The following DIS3 variants were observed in gnomAD, a reference collection of about 807,000 sequenced individuals.
DIS3 encodes exosome complex exonuclease RRP44.
DIS3 carries 103 observed loss-of-function variants against 113.0 expected under a neutral mutation model. The observed-to-expected ratio is 0.91, with a 90% confidence interval of 0.78 to 1.07. DIS3 has a LOEUF of 1.07. DIS3 is among the 50% of genes least tolerant of loss of function. The pLI is 0.00. For missense variants in DIS3, 1,121 were observed against 1,167.1 expected, an observed-to-expected ratio of 0.96 and a Z score of 0.58; for synonymous variants, 402 against 394.3, an observed-to-expected ratio of 1.02 and a Z score of -0.23.
In DIS3 at chr13:72,759,373, T is replaced by G; in HGVS notation, c.*422A>C. On this transcript the variant is annotated 3_prime_UTR_variant, in exon 21 of 21. Transcript: ENST00000377767. The stretch of plus-strand genomic sequence containing the variant: ...CCTCAACACTGACAGCTTCCAAGAC[T>G]TAGAAAAGAGATTGTTCCTTGCTTC... 4.6e-6 allele frequency: 1 copy of G among 217,636 alleles called. No individual in the cohort carries two copies. Among genetic ancestry groups the G allele is most frequent in the Non-Finnish European group, 9.2e-6 (1 of 108,422 alleles). 13.5% of individuals were successfully genotyped at this position (217,636 alleles called of 1,614,324 possible). A position where few individuals can be genotyped will look rare whatever the true frequency, so the allele number is the denominator to read the frequency against.
rs1039279597 is a variant in DIS3, at chr13:72,757,017, G to C, written c.*2778C>G. Reference sequence around the variant, plus strand: ...ATTCCACGTAACCTGCTTAGCATAAGAACTGGCACTAGAAACAGAACATTT... The same window carrying C: ...ATTCCACGTAACCTGCTTAGCATAACAACTGGCACTAGAAACAGAACATTT... On this transcript the variant is annotated 3_prime_UTR_variant, in exon 21 of 21. Coordinates refer to ENST00000377767, the MANE Select transcript of DIS3 (RefSeq NM_014953.5). The C allele has an allele frequency of 6.6e-6, 1 of 152,106 alleles. No homozygotes were observed. Among genetic ancestry groups the C allele is most frequent in the African/African-American group, 2.4e-5 (1 of 41,406 alleles). 9.4% of individuals were successfully genotyped at this position (152,106 alleles called of 1,614,324 possible). A position where few individuals can be genotyped will look rare whatever the true frequency, so the allele number is the denominator to read the frequency against.
rs1465204251 is a variant in DIS3, at chr13:72,755,213, A to G, written c.*4582T>C. 1.9e-6 allele frequency: 3 copies of G among 1,611,012 alleles called. No individual in the cohort carries two copies. The African/African-American group carries it at 4.0e-5, about 22-fold the overall frequency. The stretch of plus-strand genomic sequence containing the variant: ...CAAGCCCTTTTCAATGCAGCAGTCC[A>G]TAGAATGCCTCTGTCAGAATCAAAG... On this transcript the variant is annotated 3_prime_UTR_variant, in exon 21 of 21. Coordinates refer to ENST00000377767, the MANE Select transcript of DIS3 (RefSeq NM_014953.5).
rs1314809933 is a variant in DIS3, at chr13:72,762,139, T to G, written c.2128-2A>C. On this transcript the variant is annotated splice_acceptor_variant, in intron 16 of 20. Transcript: ENST00000377767. LOFTEE classifies it high-confidence loss of function. Reference sequence around the variant, plus strand: ...TGTATCAGTCTTAATTTCCAAATTCTGTAAACAAAAAGGAGGGAAGAGCAC... The same window carrying G: ...TGTATCAGTCTTAATTTCCAAATTCGGTAAACAAAAAGGAGGGAAGAGCAC... 6.2e-7 allele frequency: 1 copy of G among 1,612,378 alleles called. No individual in the cohort carries two copies. The highest frequency in any genetic ancestry group is 1.7e-5 in the Admixed American group (1 of 59,900).
intron 2 of DIS3, among the ~76,000 whole-genome samples, chr13:72,780,510 T>C (rs1400886192): frequency 2.6e-5 from 4 of 152,236 alleles, no homozygotes; most frequent in Admixed American, 6.5e-5. Flanking sequence ...GTTCACATAA[T>C]ATGGTATTCC....
intron 4 of DIS3, among the ~76,000 whole-genome samples, chr13:72,776,762 T>C (rs2034027147): frequency 6.6e-6 from 1 of 152,220 alleles, no homozygotes; most frequent in Admixed American, 6.5e-5. Context: ...CCCTTAGCAC[T>C]CCTTCTCACA....
Position 72,761,684 on chromosome 13 carries a change from G to C in DIS3, c.2473C>G (p.Gln825Glu), listed in dbSNP as rs1215809869. The C allele has an allele frequency of 1.2e-6, 2 of 1,612,806 alleles. No individual in the cohort carries two copies. Among genetic ancestry groups the C allele is most frequent in the African/African-American group, 2.7e-5 (2 of 74,836 alleles). Residue 825 changes from glutamine to glutamate, a missense_variant, in exon 18 of 21, where the codon CAA becomes GAA. By Grantham distance (29) the Gln-to-Glu change is conservative. This residue lies in a region of DIS3 where 861 missense variants were observed against 915.5 expected (regional missense o/e 0.94). Transcript: ENST00000377767. ...GCCACTGATGCACGTTGGGCATATT[G>C]AGCCATTTTGTGCCGGAAATTTAGA... The part of the protein sequence containing the change: ...KNLNFRHKMA[Q>E]YAQRASVAFH...
rs2033675817 is a variant in DIS3 at position 72,763,491 on chromosome 13, G to A, written c.2087C>T (p.Pro696Leu). 6.2e-7 allele frequency: 1 copy of A among 1,613,354 alleles called. No homozygotes were observed. Among genetic ancestry groups the A allele is most frequent in the African/African-American group, 1.3e-5 (1 of 74,874 alleles). Residue 696 changes from proline to leucine, a missense_variant, in exon 16 of 21, where the codon CCA becomes CTA. Physicochemically the swap from Pro to Leu is moderately conservative, Grantham distance 98. This residue lies in a region of DIS3 where 861 missense variants were observed against 915.5 expected (regional missense o/e 0.94). Coordinates refer to ENST00000377767, the MANE Select transcript of DIS3 (RefSeq NM_014953.5). Reference sequence around the variant, plus strand: ...CTTAACAAGAATTTCATAATTTGATGGAGGTGGAGCAGGATGTTTTCGAAG... The same window carrying A: ...CTTAACAAGAATTTCATAATTTGATAGAGGTGGAGCAGGATGTTTTCGAAG... ...ALLRKHPAPPPSNYEILVKAA... is the reference protein window; with the variant it reads ...ALLRKHPAPPLSNYEILVKAA...
chr13:72,781,641 G>A lies in DIS3; in HGVS notation c.192C>T (p.His64=). 2 of 1,542,254 alleles carry A rather than the reference G, an allele frequency of 1.3e-6. No individual in the cohort carries two copies. Among genetic ancestry groups the A allele is most frequent in the South Asian group, 1.2e-5 (1 of 83,554 alleles). The change falls in exon 1 of 21, where the codon CAC becomes CAT. Residue 64 remains histidine (H), a synonymous_variant. Coordinates refer to ENST00000377767, the MANE Select transcript of DIS3 (RefSeq NM_014953.5). ...ACACATTAGTGTCGGGCAGCAAGTAGTGCGGTTGCGGGCAGACGCTGCTCG... is the reference window on the plus strand; with the variant it reads ...ACACATTAGTGTCGGGCAGCAAGTAATGCGGTTGCGGGCAGACGCTGCTCG... ...DPASSVCPQP[H]YLLPDTNVLL...
intron 2 of DIS3, among the ~76,000 whole-genome samples, chr13:72,780,410 T>A (rs1398928001): frequency 6.6e-6 from 1 of 151,616 alleles, no homozygotes; most frequent in Non-Finnish European, 1.5e-5. Context: ...ATTAAACTTT[T>A]AAAAAGACCA....
chr13:72,779,116 G>A (rs1475622979), intron 2 of DIS3, among the ~76,000 whole-genome samples: 1 of 150,976 alleles, frequency 6.6e-6, no homozygotes, highest in East Asian at 1.9e-4. Context: ...GAATGCACTT[G>A]CTAATGCTTT....
intron 4 of DIS3, among the ~76,000 whole-genome samples, chr13:72,776,898 C>T (rs1414022316): frequency 6.6e-6 from 1 of 152,204 alleles, no homozygotes; most frequent in African/African-American, 2.4e-5. Context: ...TCATTCTCTC[C>T]TGCTCCACCA....
rs946575135 is a variant in DIS3 at position 72,771,029 on chromosome 13, G to A, written c.1671-41C>T. 7 of 1,607,676 alleles carry A rather than the reference G, an allele frequency of 4.4e-6. No homozygotes were observed. In the African/African-American group the frequency reaches 9.4e-5, roughly 22 times the overall value. ...CAGAGTATTTGTTAATGGGAATCAG[G>A]TTAAAGTAGTAAATACAATGTCTTC... On this transcript the variant is annotated intron_variant, in intron 12 of 20. Transcript: ENST00000377767.
chr13:72,778,085 C>T (rs1347365465), intron 3 of DIS3, 102 bp downstream of exon 3: 2 of 1,076,554 alleles, frequency 1.9e-6, no homozygotes, highest in East Asian at 2.6e-5. Flanking sequence ...TATAGGACTA[C>T]GAAAATACTA....
chr13:72,769,124 A>G lies in DIS3; in HGVS notation c.1756-212T>C, dbSNP rs574763401. ...GAGGCATTATACAACATAAACAAAC[A>G]TATTTTAAAAGGTAAAATGGCAATG... On this transcript the variant is annotated intron_variant, in intron 13 of 20. Transcript: ENST00000377767. Among the ~76,000 whole-genome samples the G allele has an allele frequency of 9.2e-5, 14 of 152,212 alleles. No homozygotes were observed. In the South Asian group the frequency reaches 2.9e-3, roughly 32 times the overall value.
chr13:72,766,158 G>GC, intron 14 of DIS3, 100 bp from the exon 15 acceptor site: 3 of 943,512 alleles, frequency 3.2e-6, no homozygotes, highest in Non-Finnish European at 4.6e-6. Context: ...TACAGCAAGT[G>GC]TGTAATAGTT....
At position 72,756,057 on chromosome 13, in the gene DIS3, A is replaced by T. The variant is rs1356813483; in HGVS notation, c.*3738T>A. ...GTATGTTATATACAACTATTTTTTT[A>T]AAAAACTTATATCCATGTTGGGAGT... is the stretch of plus-strand genomic sequence containing the variant. On this transcript the variant is annotated 3_prime_UTR_variant, in exon 21 of 21. Transcript: ENST00000377767. The T allele has an allele frequency of 2.5e-6, 1 of 397,076 alleles. No individual in the cohort carries two copies. Among genetic ancestry groups the T allele is most frequent in the East Asian group, 3.6e-5 (1 of 27,998 alleles). The allele number at this position is 397,076 out of a possible 1,614,324, so 24.6% of individuals were successfully genotyped here.
chr13:72,763,498 G>A lies in DIS3; in HGVS notation c.2080C>T (p.Pro694Ser), dbSNP rs1376504733. The A allele has an allele frequency of 1.2e-6, 2 of 1,613,870 alleles. No homozygotes were observed. Among genetic ancestry groups the A allele is most frequent in the Admixed American group, 3.3e-5 (2 of 59,980 alleles). ...EHALLRKHPA[P>S]PPSNYEILVK... is the part of the protein sequence containing the mutation. ...AGAATTTCATAATTTGATGGAGGTG[G>A]AGCAGGATGTTTTCGAAGCAGAGCA... The change falls in exon 16 of 21, where the codon CCA becomes TCA. Residue 694 changes from proline to serine, a missense_variant. By Grantham distance (74) the Pro-to-Ser change is moderately conservative. Coordinates refer to ENST00000377767, the MANE Select transcript of DIS3 (RefSeq NM_014953.5).
At chr13:72,765,779 C>T (rs561484985) in intron 15 of DIS3, among the ~76,000 whole-genome samples, 193 bp downstream of exon 15, 86 of 152,234 alleles carry the variant, frequency 5.6e-4, no homozygotes, top group Non-Finnish European at 1.0e-3. Context: ...TTCTATTATG[C>T]GACTAAACGC....
rs1259723847 is a variant in DIS3 at position 72,774,068 on chromosome 13, T to C, written c.988-9A>G. The stretch of plus-strand genomic sequence containing the variant: ...CTTACAGCAGTCTTAAGCTGAGATA[T>C]AAAAATTAAAATGTTCAGTTATATT... On this transcript the variant is annotated splice_polypyrimidine_tract_variant and intron_variant, in intron 6 of 20. Coordinates refer to ENST00000377767, the MANE Select transcript of DIS3 (RefSeq NM_014953.5). 1 of 1,556,020 alleles carries C rather than the reference T, an allele frequency of 6.4e-7. No homozygotes were observed. The highest frequency in any genetic ancestry group is 1.4e-5 in the African/African-American group (1 of 72,144).
Sources: allele counts gnomAD v4.1 joint callset (sites outside exome capture counted in the v4.1 genomes callset), GRCh38; gene constraint gnomAD v4.1.1; regional missense constraint gnomAD v4.1.1; transcripts MANE v1.5; gene names NCBI Gene and HGNC (gene_info 2026-07-23, HGNC 2026-07-21).